KAZN: variants seen among roughly 807,000 people sequenced by gnomAD.
KAZN encodes the protein kazrin.
KAZN carries 40 observed loss-of-function variants against 87.4 expected under a neutral mutation model. The observed-to-expected ratio is 0.46, with a 90% CI of 0.36 to 0.60. KAZN has a LOEUF of 0.60. Ranked by LOEUF, KAZN falls within the 20% of genes least tolerant of loss-of-function variation. The probability of loss-of-function intolerance (pLI) is 0.00; values close to 1 mark genes in which losing one functional copy is unlikely to be tolerated. For missense variants in KAZN, 898 were observed against 1,073.9 expected (o/e 0.84, Z 2.29); for synonymous variants, 466 against 458.3 (o/e 1.02, Z -0.22).
At position 14,579,271 on chromosome 1, in the gene KAZN, TG is replaced by T. The variant is rs1557812755; in HGVS notation, c.250-19711del. Among the ~76,000 whole-genome samples the T allele has an allele frequency of 3.3e-5, 5 of 152,134 alleles. No individual in the cohort carries two copies. In the East Asian group the frequency reaches 9.6e-4, roughly 29 times the overall value. On this transcript the variant is annotated intron_variant, in intron 2 of 16. Coordinates refer to the KAZN transcript ENST00000636203. Reference sequence around the variant, plus strand: ...CTATGAGATAAAATGAGAGGAGAAATGCAAGGTAGTTAGTACAATTTCTGAC... The same window carrying T: ...CTATGAGATAAAATGAGAGGAGAAATCAAGGTAGTTAGTACAATTTCTGAC...
chr1:15,056,187 G>A lies in KAZN; in HGVS notation c.823G>A (p.Val275Met). 6.2e-7 allele frequency: 1 copy of A among 1,614,188 alleles called. No homozygotes were observed. Among genetic ancestry groups the A allele is most frequent in the East Asian group, 2.2e-5 (1 of 44,870 alleles). The change falls in exon 5 of 15, where the codon GTG becomes ATG. Residue 275 changes from valine (V) to methionine (M), a missense_variant. This residue lies in a region of KAZN where 521 missense variants were observed against 689.4 expected (regional missense o/e 0.76). Coordinates refer to ENST00000376030, the MANE Select transcript of KAZN (RefSeq NM_201628.3). This position sits in a 1 kb window ranked among gnomAD's most constrained non-coding sequence, Gnocchi z 5.4. Reference protein sequence around the residue: ...ETVLNGNQEWVVQADLPLTAA... With the variant: ...ETVLNGNQEWMVQADLPLTAA... ...GGTGCTCAATGGCAACCAGGAGTGG[G>A]TGGTGCAGGCGGACCTCCCGCTGAC...
intron 2 of KAZN, among the ~76,000 whole-genome samples, chr1:14,210,701 G>A (rs1646836205): frequency 6.6e-6 from 1 of 151,912 alleles, no homozygotes; most frequent in Non-Finnish European, 1.5e-5. Flanking sequence ...TTTTTGAAAT[G>A]TTTATTTATT....
chr1:14,216,351 G>A (rs1466801877), intron 2 of KAZN, among the ~76,000 whole-genome samples: 1 of 152,152 alleles, frequency 6.6e-6, no homozygotes, highest in Non-Finnish European at 1.5e-5. Flanking sequence ...AATGGTCTGG[G>A]TTTCTTGAAC....
intron 1 of KAZN, among the ~76,000 whole-genome samples, chr1:14,027,004 C>T (rs1270170638): frequency 6.6e-6 from 1 of 152,050 alleles, no homozygotes; most frequent in Non-Finnish European, 1.5e-5. Context: ...ACAGCATAGA[C>T]AAAGAATGGG....
chr1:15,012,465 C>G (rs779269133), intron 2 of KAZN, among the ~76,000 whole-genome samples: 6 of 152,194 alleles, frequency 3.9e-5, no homozygotes, highest in Admixed American at 3.9e-4. Flanking sequence ...GTTGATGCAA[C>G]GCCCCACACC....
At chr1:13,957,412 GT>G (rs1414176192) in intron 1 of KAZN, among the ~76,000 whole-genome samples, 1 of 152,196 alleles carries the variant, frequency 6.6e-6, no homozygotes, top group Non-Finnish European at 1.5e-5. Context: ...CCTTCAGACA[GT>G]AAAAGGTTAA....
At chr1:14,071,457 C>A (rs1643243838) in intron 1 of KAZN, among the ~76,000 whole-genome samples, 1 of 152,148 alleles carries the variant, frequency 6.6e-6, no homozygotes, top group South Asian at 2.1e-4. Flanking sequence ...CAGTCAGAAA[C>A]AAACTGAGCT....
intron 1 of KAZN, among the ~76,000 whole-genome samples, chr1:14,710,884 T>A (rs1240794154): frequency 2.0e-5 from 3 of 152,180 alleles, no homozygotes; most frequent in African/African-American, 7.2e-5. Context: ...AGAACCTTAA[T>A]AAATAATTAT....
chr1:14,596,790 C>T (rs1346356860), upstream of KAZN, among the ~76,000 whole-genome samples: 2 of 152,222 alleles, frequency 1.3e-5, no homozygotes, highest in Non-Finnish European at 2.9e-5. Context: ...GTACTCTTCA[C>T]GGCTGAGTAA....
intron 1 of KAZN, among the ~76,000 whole-genome samples, chr1:14,807,047 G>A (rs1183155439): frequency 1.3e-5 from 2 of 152,190 alleles, no homozygotes; most frequent in Non-Finnish European, 2.9e-5. Flanking sequence ...ACTTCTGCTG[G>A]CCAGCATGTT....
intron 2 of KAZN, among the ~76,000 whole-genome samples, chr1:14,408,406 GGGGGA>G (rs1038563115): frequency 1.3e-5 from 2 of 152,208 alleles, no homozygotes; most frequent in Non-Finnish European, 2.9e-5. Flanking sequence ...TAGATTCAGA[GGGGGA>G]AAGCCAGATG....
rs141746424 is a variant in KAZN at position 14,135,963 on chromosome 1, C to T, written c.92-44472C>T. Among the ~76,000 whole-genome samples, 4 of 152,246 alleles carry T rather than the reference C, an allele frequency of 2.6e-5. No homozygotes were observed. The East Asian group carries it at 5.8e-4, about 22-fold the overall frequency. On this transcript the variant is annotated intron_variant, in intron 1 of 16. Transcript: ENST00000636203. ...TCTTGCTTTTCCCATCAGAAAGCCC[C>T]CACTTTACACTTGGTTCATGGAACA...
intron 2 of KAZN, among the ~76,000 whole-genome samples, chr1:14,999,820 A>C (rs1668286853): frequency 6.6e-6 from 1 of 152,124 alleles, no homozygotes; most frequent in Non-Finnish European, 1.5e-5. Flanking sequence ...CCACCTCCAC[A>C]TCTTTGCTCC....
chr1:14,606,264 T>G (rs961327543), intron 1 of KAZN, among the ~76,000 whole-genome samples: 1 of 152,236 alleles, frequency 6.6e-6, no homozygotes, highest in Admixed American at 6.5e-5. Flanking sequence ...TTTGGCTTGT[T>G]GCATTAGGGA....
intron 1 of KAZN, among the ~76,000 whole-genome samples, chr1:14,858,096 A>T (rs1391166573): frequency 6.6e-6 from 1 of 151,762 alleles, no homozygotes; most frequent in Admixed American, 6.6e-5. Context: ...AATTTAGCAT[A>T]ATGCTTTATC....
intron 2 of KAZN, among the ~76,000 whole-genome samples, chr1:14,207,813 A>G (rs1443437538): frequency 6.6e-6 from 1 of 152,154 alleles, no homozygotes; most frequent in Non-Finnish European, 1.5e-5. Flanking sequence ...AAGATCAAAG[A>G]CGATCAAGAG....
At chr1:14,980,839 A>T (rs1408901294) in intron 2 of KAZN, among the ~76,000 whole-genome samples, 1 of 151,566 alleles carries the variant, frequency 6.6e-6, no homozygotes, top group African/African-American at 2.4e-5. Flanking sequence ...TTTCAGATCG[A>T]GGCCTCAGGA....
At chr1:14,717,022 C>T (rs959693867) in intron 1 of KAZN, among the ~76,000 whole-genome samples, 1 of 151,328 alleles carries the variant, frequency 6.6e-6, no homozygotes, top group African/African-American at 2.4e-5. Flanking sequence ...CAAGGCCCAG[C>T]TGGGAGGCTC....
chr1:14,281,742 A>G (rs1652850061), intron 2 of KAZN, among the ~76,000 whole-genome samples: 1 of 152,244 alleles, frequency 6.6e-6, no homozygotes, highest in African/African-American at 2.4e-5. Context: ...AGAACTTGGC[A>G]TAGAGAATAA....
Sources: gnomAD v4.1 joint callset for allele counts (sites outside exome capture counted in the v4.1 genomes callset) on GRCh38, gnomAD v4.1.1 for gene constraint, gnomAD v4.1.1 regional missense constraint, Gnocchi (gnomAD v3.1) non-coding constraint, MANE v1.5 for transcripts, NCBI Gene and HGNC (gene_info 2026-07-23, HGNC 2026-07-21) for gene names.